Variants in TGFB2 observed in about 807,000 individuals in gnomAD.
TGFB2 encodes transforming growth factor beta 2, also known as transforming growth factor beta-2 proprotein.
A neutral mutation model predicts 42.7 loss-of-function variants in TGFB2; 13 were observed. The observed-to-expected ratio is 0.30, with a 90% CI of 0.20 to 0.48. The LOEUF is 0.48. TGFB2 is among the 20% of genes least tolerant of loss of function. TGFB2 has a pLI of 0.99. For synonymous variants in TGFB2, 193 were observed against 193.6 expected (o/e 1.00, Z 0.03); for missense variants, 390 against 517.5 (o/e 0.75, Z 2.39).
intron 1 of TGFB2, among the ~76,000 whole-genome samples, chr1:218,357,666 C>T (rs1344889254): frequency 6.6e-6 from 1 of 152,196 alleles, no homozygotes; most frequent in African/African-American, 2.4e-5. Context: ...AAAATGCTTC[C>T]TGGATATTGT....
chr1:218,434,016 G>T, intron 2 of TGFB2, 66 bp from the exon 3 acceptor site: 1 of 1,594,914 alleles, frequency 6.3e-7, no homozygotes, highest in Non-Finnish European at 8.6e-7. Flanking sequence ...ACTGTTAATA[G>T]TTTTGGTTTA....
intron 1 of TGFB2, among the ~76,000 whole-genome samples, chr1:218,388,432 G>A (rs1414898521): frequency 6.6e-6 from 1 of 152,152 alleles, no homozygotes; most frequent in Non-Finnish European, 1.5e-5. Context: ...CTGATGCTCA[G>A]ACAACATCTC....
chr1:218,412,511 C>A (rs554666586), intron 2 of TGFB2, among the ~76,000 whole-genome samples: 2 of 152,206 alleles, frequency 1.3e-5, no homozygotes, highest in Non-Finnish European at 1.5e-5. Flanking sequence ...TTTCAGTGTG[C>A]GTACTCACAT....
rs10482721 is a variant in TGFB2, at chr1:218,346,973, G to A, written c.272G>A (p.Arg91His). The A allele has an allele frequency of 3.8e-3, 6,160 of 1,613,634 alleles. 22 individuals are homozygous for A. The highest frequency in any genetic ancestry group is 7.3e-3 in the Middle Eastern group (44 of 6,060). The change falls in exon 1 of 7, where the codon CGC (arginine) becomes CAC (histidine). Residue 91 changes from arginine to histidine, a missense_variant. Coordinates refer to ENST00000366930, the MANE Select transcript of TGFB2 (RefSeq NM_003238.6). The surrounding 1 kb of genome is among the most constrained non-coding windows in gnomAD (Gnocchi z 4.9). Reference protein sequence around the residue: ...KASRRAAACERERSDEEYYAK... With the variant: ...KASRRAAACEHERSDEEYYAK... The stretch of plus-strand genomic sequence containing the variant: ...AGCCGGAGGGCGGCCGCCTGCGAGC[G>A]CGAGAGGAGCGACGAAGAGTACTAC...
intron 1 of TGFB2, among the ~76,000 whole-genome samples, chr1:218,349,085 C>T (rs1346722171): frequency 6.6e-6 from 1 of 152,104 alleles, no homozygotes; most frequent in Non-Finnish European, 1.5e-5. Context: ...TGTGGATTCT[C>T]CTTTCCATTT....
At chr1:218,405,049 C>A (rs574669011) in intron 1 of TGFB2, 120 bp from the exon 2 acceptor site, 10 of 1,113,378 alleles carry the variant, frequency 9.0e-6, no homozygotes, top group Admixed American at 7.1e-5. Context: ...TTAAACTGGC[C>A]GTTGGAAACT....
intron 1 of TGFB2, among the ~76,000 whole-genome samples, chr1:218,403,245 T>C (rs1162583371): frequency 6.6e-6 from 1 of 152,176 alleles, no homozygotes; most frequent in Non-Finnish European, 1.5e-5. Flanking sequence ...GACTTCTGAC[T>C]CCTGGGTTAT....
intron 2 of TGFB2, among the ~76,000 whole-genome samples, chr1:218,433,221 A>C (rs1659866726): frequency 1.3e-5 from 2 of 151,802 alleles, no homozygotes; most frequent in Non-Finnish European, 2.9e-5. Context: ...GGCGCCCACC[A>C]CTGTGCCTGG....
At position 218,441,617 on chromosome 1, in the gene TGFB2, G is replaced by A. The variant is rs532806555; in HGVS notation, c.*255G>A. On this transcript the variant is annotated 3_prime_UTR_variant, in exon 7 of 7. Transcript: ENST00000366930. ...ACTTTGTAAGTGAGAGAGACAAGAAGCAAATTTTTTTTAAAGAAAAAAATA... is the reference window on the plus strand; with the variant it reads ...ACTTTGTAAGTGAGAGAGACAAGAAACAAATTTTTTTTAAAGAAAAAAATA... 15 of 306,546 alleles carry A rather than the reference G, an allele frequency of 4.9e-5. No homozygotes were observed. Among genetic ancestry groups the A allele is most frequent in the African/African-American group, 3.2e-4 (15 of 46,178 alleles). 19.0% of individuals were successfully genotyped at this position (306,546 alleles called of 1,614,324 possible).
chr1:218,441,503 A>T lies in TGFB2; in HGVS notation c.*141A>T. 7.9e-6 allele frequency: 6 copies of T among 759,302 alleles called. No individual in the cohort carries two copies. The highest frequency in any genetic ancestry group is 1.2e-5 in the Non-Finnish European group (6 of 510,730). 47.0% of individuals were successfully genotyped at this position (759,302 alleles called of 1,614,324 possible). ...AAAAAATTTTTGAAAAGGCGGTACT[A>T]GTTCAGACACTTTGGAAGTTTGTGT... On this transcript the variant is annotated 3_prime_UTR_variant, in exon 7 of 7. Coordinates refer to ENST00000366930, the MANE Select transcript of TGFB2 (RefSeq NM_003238.6).
At position 218,345,956 on chromosome 1, in the gene TGFB2, G is replaced by T. The variant is rs576053414; in HGVS notation, c.-746G>T. On this transcript the variant is annotated 5_prime_UTR_variant, in exon 1 of 7. Coordinates refer to ENST00000366930, the MANE Select transcript of TGFB2 (RefSeq NM_003238.6). ...GAGCAGGATCCGCGCCGCCTCAGCA[G>T]CCTCTGCGGCCCCTGCGGCACCCGA... 2.3e-3 allele frequency among the ~76,000 whole-genome samples: 353 copies of T among 152,010 alleles called. 1 individual carries two copies. The highest frequency in any genetic ancestry group is 8.2e-3 in the African/African-American group (340 of 41,490).
chr1:218,356,344 A>G (rs1392409037), intron 1 of TGFB2, among the ~76,000 whole-genome samples: 1 of 151,826 alleles, frequency 6.6e-6, no homozygotes, highest in Admixed American at 6.6e-5. Flanking sequence ...AGCCTCTACA[A>G]TAGTTGGGAC....
At position 218,441,717 on chromosome 1, in the gene TGFB2, C is replaced by T; in HGVS notation, c.*355C>T. ...AACAACAACAACAAACAGGAAAATCCCATTAAGTGGAGTTGCTGTACGTAC... is the reference window on the plus strand; with the variant it reads ...AACAACAACAACAAACAGGAAAATCTCATTAAGTGGAGTTGCTGTACGTAC... On this transcript the variant is annotated 3_prime_UTR_variant, in exon 7 of 7. Transcript: ENST00000366930. 5.3e-6 allele frequency: 1 copy of T among 188,086 alleles called. No individual in the cohort carries two copies. Among genetic ancestry groups the T allele is most frequent in the Non-Finnish European group, 1.1e-5 (1 of 91,520 alleles). The allele number at this position is 188,086 out of a possible 1,614,324, so 11.7% of individuals were successfully genotyped here.
At chr1:218,428,714 C>T (rs536719373) in intron 2 of TGFB2, among the ~76,000 whole-genome samples, 145 of 152,212 alleles carry the variant, frequency 9.5e-4, no homozygotes, top group Non-Finnish European at 1.8e-3. Context: ...TTGGTACCAG[C>T]ACCATGCTTT....
At chr1:218,408,963 C>T (rs1571878621) in intron 2 of TGFB2, among the ~76,000 whole-genome samples, 2 of 152,194 alleles carry the variant, frequency 1.3e-5, no homozygotes, top group South Asian at 4.1e-4. Context: ...TATATGGTCC[C>T]ATCTGGCAGT....
intron 4 of TGFB2, 25 bp downstream of exon 4, chr1:218,434,473 G>A (rs1048351582): frequency 2.1e-6 from 3 of 1,430,866 alleles, no homozygotes; most frequent in South Asian, 1.2e-5. Context: ...GTCATATGAG[G>A]TGGGGGAGGG....
intron 1 of TGFB2, among the ~76,000 whole-genome samples, chr1:218,351,509 T>C (rs538951676): frequency 2.2e-4 from 34 of 152,342 alleles, no homozygotes; most frequent in Non-Finnish European, 1.8e-4. Context: ...TCCTTCAGGA[T>C]TTCCTCTTTT....
intron 1 of TGFB2, among the ~76,000 whole-genome samples, chr1:218,396,059 G>A (rs998527067): frequency 1.3e-5 from 2 of 152,170 alleles, no homozygotes; most frequent in Non-Finnish European, 2.9e-5. Context: ...AGTAGGAAAG[G>A]TAGGATGGAC....
Position 218,413,098 on chromosome 1 carries a change from G to A in TGFB2, c.510+7766G>A, listed in dbSNP as rs549520117. On this transcript the variant is annotated intron_variant, in intron 2 of 6. Transcript: ENST00000366930. The stretch of plus-strand genomic sequence containing the variant: ...TAAAAACTAGGCCCAGAGGCTGGGC[G>A]CGGTGGCTCACACCTATAATCCCAG... 1.4e-4 allele frequency among the ~76,000 whole-genome samples: 22 copies of A among 152,288 alleles called. 1 individual carries two copies. The highest frequency in any genetic ancestry group is 9.7e-4 in the East Asian group (5 of 5,172).
Sources: allele counts gnomAD v4.1 joint callset (sites outside exome capture counted in the v4.1 genomes callset), GRCh38; gene constraint gnomAD v4.1.1; non-coding constraint Gnocchi (gnomAD v3.1); transcripts MANE v1.5; gene names NCBI Gene and HGNC (gene_info 2026-07-23, HGNC 2026-07-21).